Variants in TMEM233 observed in about 807,000 individuals in gnomAD.
TMEM233 encodes transmembrane protein 233, also known as dispanin subfamily B member 2.
Under a neutral mutation model 11.2 loss-of-function variants are expected in TMEM233, and 6 were observed. The observed-to-expected ratio is 0.54, with a 90% CI of 0.29 to 1.06. The LOEUF (loss-of-function observed/expected upper bound fraction) is 1.06, where lower values mean the gene tolerates loss of function less well. Ranked by LOEUF, TMEM233 falls within the 50% of genes least tolerant of loss-of-function variation. TMEM233 has a pLI of 0.08. For synonymous variants in TMEM233, 59 were observed against 55.8 expected, an observed-to-expected ratio of 1.06 and a Z score of -0.26; for missense variants, 127 against 144.7, an observed-to-expected ratio of 0.88 and a Z score of 0.63.
intron 2 of TMEM233, 67 bp from the exon 3 acceptor site, chr12:119,640,632 T>G: frequency 6.5e-7 from 1 of 1,533,730 alleles, no homozygotes; most frequent in Non-Finnish European, 8.8e-7. Flanking sequence ...GGCATCGAGC[T>G]GGGAAAGCCA....
At chr12:119,644,089 A>T (rs908817893), downstream of TMEM233, among the ~76,000 whole-genome samples, 13 of 152,334 alleles carry the variant, frequency 8.5e-5, no homozygotes, top group South Asian at 4.1e-4. Context: ...GTTCAATTCA[A>T]TATAATGAAC....
the TMEM233 span, among the ~76,000 whole-genome samples, chr12:119,652,552 A>G: frequency 6.6e-6 from 1 of 152,224 alleles, no homozygotes; most frequent in Non-Finnish European, 1.5e-5. Context: ...ACAGAGCTCA[A>G]GCCAAAAGCA....
intron 1 of TMEM233, among the ~76,000 whole-genome samples, chr12:119,628,012 T>C (rs962984580): frequency 2.6e-5 from 4 of 152,214 alleles, no homozygotes; most frequent in Admixed American, 2.0e-4. Flanking sequence ...AAAGTGAGTA[T>C]AAATCTGACT....
At chr12:119,617,685 T>A (rs1954563926) in intron 1 of TMEM233, among the ~76,000 whole-genome samples, 1 of 151,714 alleles carries the variant, frequency 6.6e-6, no homozygotes, top group African/African-American at 2.4e-5. Flanking sequence ...AATACAAAAT[T>A]AGCCAGGCAT....
At chr12:119,636,020 A>C (rs1954964541) in intron 2 of TMEM233, among the ~76,000 whole-genome samples, 1 of 152,296 alleles carries the variant, frequency 6.6e-6, no homozygotes, top group South Asian at 2.1e-4. Context: ...TTCATTACAT[A>C]GGCATGACCA....
At chr12:119,599,710 GT>G (rs1377376326) in intron 1 of TMEM233, among the ~76,000 whole-genome samples, 14 of 152,128 alleles carry the variant, frequency 9.2e-5, no homozygotes, top group African/African-American at 3.4e-4. Flanking sequence ...GGAATAAAGG[GT>G]AGGGAAAATC....
At chr12:119,647,067 T>TC (rs1015389248), downstream of TMEM233, among the ~76,000 whole-genome samples, 31 of 151,972 alleles carry the variant, frequency 2.0e-4, no homozygotes, top group African/African-American at 6.5e-4. Context: ...CAAACTTTCT[T>TC]TTTTTTTGGA....
chr12:119,640,607 T>A, intron 2 of TMEM233, 92 bp from the exon 3 acceptor site: 1 of 1,394,032 alleles, frequency 7.2e-7, no homozygotes, highest in Non-Finnish European at 9.9e-7. Context: ...AGAGTCATCA[T>A]CATCAAATAA....
rs35498864 is a variant in TMEM233 at position 119,607,603 on chromosome 12, A to ATT, written c.186+13583_186+13584dup. On this transcript the variant is annotated intron_variant, in intron 1 of 2. Coordinates refer to ENST00000426426, the MANE Select transcript of TMEM233 (RefSeq NM_001136534.3). ...AGAACAAGGTTAGTAATTAGATGCA[A>ATT]TTTTTTTTTTTTTTTGAGACAGAGT... Among the ~76,000 whole-genome samples the ATT allele has an allele frequency of 6.6e-3, 954 of 145,496 alleles. 10 individuals are homozygous for ATT. Among genetic ancestry groups the ATT allele is most frequent in the African/African-American group, 0.018 (728 of 39,596 alleles).
intron 1 of TMEM233, among the ~76,000 whole-genome samples, chr12:119,624,691 A>G (rs1442438172): frequency 2.0e-5 from 3 of 152,198 alleles, no homozygotes; most frequent in Non-Finnish European, 4.4e-5. Flanking sequence ...GAGAGGATGA[A>G]TGGGAGTGAG....
At chr12:119,647,343 G>A (rs1052959105), downstream of TMEM233, among the ~76,000 whole-genome samples, 3 of 152,204 alleles carry the variant, frequency 2.0e-5, no homozygotes, top group Non-Finnish European at 4.4e-5. Flanking sequence ...TTGTAGTTAA[G>A]ACAAGCATTT....
chr12:119,643,122 GATTTCCGTA>G (rs1013248848), downstream of TMEM233: 5 of 152,258 alleles, frequency 3.3e-5, no homozygotes, highest in African/African-American at 1.2e-4. Flanking sequence ...ACCTTCCAGA[GATTTCCGTA>G]ACCAAAATAA....
chr12:119,647,135 A>G (rs1955163831), downstream of TMEM233, among the ~76,000 whole-genome samples: 1 of 152,092 alleles, frequency 6.6e-6, no homozygotes. Flanking sequence ...GCCTCAAGCA[A>G]TCCTCCCACC....
chr12:119,613,691 T>C (rs1954459580), intron 1 of TMEM233, among the ~76,000 whole-genome samples: 1 of 152,160 alleles, frequency 6.6e-6, no homozygotes, highest in Admixed American at 6.5e-5. Flanking sequence ...GGCATGCACC[T>C]GTGGTCCCAG....
chr12:119,605,409 CTTTTTTTTTT>C (rs6144897), intron 1 of TMEM233, among the ~76,000 whole-genome samples: 2 of 93,624 alleles, frequency 2.1e-5, no homozygotes, highest in African/African-American at 3.7e-5. Context: ...TATGCCTTTC[CTTTTTTTTTT>C]TTTTTTTTTT....
In TMEM233 at chr12:119,593,863, C is replaced by G. The variant is rs1953967205; in HGVS notation, c.15C>G (p.Ala5=). MSQY[A]PSPDFKRALD... is the part of the protein sequence containing the mutation. ...CGGCCTCGCCCATGTCTCAGTACGCCCCTAGCCCGGACTTCAAGAGGGCTT... is the reference window on the plus strand; with the variant it reads ...CGGCCTCGCCCATGTCTCAGTACGCGCCTAGCCCGGACTTCAAGAGGGCTT... The change falls in exon 1 of 3, where the codon GCC becomes GCG. Residue 5 remains alanine, a synonymous_variant. Coordinates refer to ENST00000426426, the MANE Select transcript of TMEM233 (RefSeq NM_001136534.3). This position sits in a 1 kb window ranked among gnomAD's most constrained non-coding sequence, Gnocchi z 4.1. The G allele has an allele frequency of 6.4e-7, 1 of 1,551,650 alleles. No homozygotes were observed. The highest frequency in any genetic ancestry group is 8.7e-7 in the Non-Finnish European group (1 of 1,146,938).
chr12:119,625,442 T>C (rs1954732698), intron 1 of TMEM233, among the ~76,000 whole-genome samples: 1 of 151,060 alleles, frequency 6.6e-6, no homozygotes, highest in Admixed American at 6.6e-5. Flanking sequence ...CGATCATAGC[T>C]CACTGCAGCC....
chr12:119,613,243 G>A (rs1217304898), intron 1 of TMEM233, among the ~76,000 whole-genome samples: 5 of 150,760 alleles, frequency 3.3e-5, no homozygotes, highest in Non-Finnish European at 7.4e-5. Context: ...GCTACAGGTT[G>A]GAAAATGAAA....
At chr12:119,602,304 C>T (rs1218711263) in intron 1 of TMEM233, among the ~76,000 whole-genome samples, 1 of 152,162 alleles carries the variant, frequency 6.6e-6, no homozygotes, top group Non-Finnish European at 1.5e-5. Flanking sequence ...GCAACTGATC[C>T]AGAGAGCTTG....
Sources: allele counts gnomAD v4.1 joint callset (sites outside exome capture counted in the v4.1 genomes callset), GRCh38; gene constraint gnomAD v4.1.1; non-coding constraint Gnocchi (gnomAD v3.1); transcripts MANE v1.5; gene names NCBI Gene and HGNC (gene_info 2026-07-23, HGNC 2026-07-21).